Variants in FLYWCH1 observed in about 807,000 individuals in gnomAD.
FLYWCH1 encodes the protein FLYWCH-type zinc finger-containing protein 1.
In FLYWCH1, 75 loss-of-function variants were observed where a neutral mutation model predicts 66.4. The ratio of observed to expected loss-of-function variants is 1.13; its 90% CI spans 0.94 to 1.37. The LOEUF is 1.37. Among genes scored for constraint, FLYWCH1 ranks in the 40% most tolerant of loss-of-function variants. The pLI, the probability that FLYWCH1 is intolerant of heterozygous loss-of-function variation, is 0.00. For synonymous variants in FLYWCH1, 595 were observed against 429.9 expected (o/e 1.38, Z -4.75); for missense variants, 1,334 against 1,001.8 (o/e 1.33, Z -4.48).
Position 2,917,270 on chromosome 16 carries a change from C to G in FLYWCH1, c.-74+2981C>G, listed in dbSNP as rs570015172. On this transcript the variant is annotated intron_variant, in intron 2 of 9. Transcript: ENST00000253928. Reference sequence around the variant, plus strand: ...TTGAGATGGAGTTTTGCTCTTGTCACCCAGGCTGGAGTGCAATGGTGGGAT... The same window carrying G: ...TTGAGATGGAGTTTTGCTCTTGTCAGCCAGGCTGGAGTGCAATGGTGGGAT... Among the ~76,000 whole-genome samples the G allele has an allele frequency of 6.7e-5, 10 of 149,438 alleles. 1 individual carries two copies. Among genetic ancestry groups the G allele is most frequent in the African/African-American group, 2.5e-4 (10 of 40,684 alleles).
intron 2 of FLYWCH1, among the ~76,000 whole-genome samples, chr16:2,926,256 T>G (rs1281950943): frequency 6.6e-6 from 1 of 152,136 alleles, no homozygotes; most frequent in Non-Finnish European, 1.5e-5. Context: ...TCTAAAGGAT[T>G]GGGAAAAAAT....
In FLYWCH1 at chr16:2,929,734, G is replaced by C. The variant is rs757667264; in HGVS notation, c.49G>C (p.Gly17Arg). The C allele has an allele frequency of 3.7e-6, 6 of 1,613,596 alleles. No homozygotes were observed. The South Asian group carries it at 6.6e-5, about 18-fold the overall frequency. ...GCAGGAGGGCGAGAGTGTGAAGGCCGGCCAGGAGCCATCCCCCAAGCCAGG... is the reference window on the plus strand; with the variant it reads ...GCAGGAGGGCGAGAGTGTGAAGGCCCGCCAGGAGCCATCCCCCAAGCCAGG... ...SEQEGESVKAGQEPSPKPGTD... is the reference protein window; with the variant it reads ...SEQEGESVKARQEPSPKPGTD... Residue 17 changes from glycine to arginine, a missense_variant, in exon 3 of 10, where the codon GGC (glycine) becomes CGC (arginine). Gly to Arg is a moderately radical substitution (Grantham distance 125). Coordinates refer to ENST00000253928, the MANE Select transcript of FLYWCH1 (RefSeq NM_001308068.2).
Position 2,930,693 on chromosome 16 carries a change from G to C in FLYWCH1, c.609G>C (p.Gln203His). The C allele has an allele frequency of 6.5e-7, 1 of 1,543,752 alleles. No homozygotes were observed. Among genetic ancestry groups the C allele is most frequent in the South Asian group, 1.2e-5 (1 of 84,110 alleles). ...TGCCAGAGGGCTTGGGAGAGCCCCA[G>C]GGTCCTGAGGGCCCTGGAGGCCGAG... ...LALPEGLGEP[Q>H]GPEGPGGRVE... is the part of the protein sequence containing the mutation. Residue 203 changes from glutamine to histidine, a missense_variant, in exon 4 of 10, where the codon CAG (glutamine) becomes CAC (histidine). Transcript: ENST00000253928.
Position 2,930,452 on chromosome 16 carries a change from G to A in FLYWCH1, c.368G>A (p.Gly123Asp), listed in dbSNP as rs1235774870. 1.3e-6 allele frequency: 2 copies of A among 1,496,060 alleles called. No homozygotes were observed. Among genetic ancestry groups the A allele is most frequent in the African/African-American group, 1.4e-5 (1 of 70,032 alleles). 92.7% of individuals were successfully genotyped at this position (1,496,060 alleles called of 1,614,324 possible). A position where few individuals can be genotyped will look rare whatever the true frequency, so the allele number is the denominator to read the frequency against. The change falls in exon 4 of 10, where the codon GGC (glycine) becomes GAC (aspartate). Residue 123 changes from glycine (G) to aspartate (D), a missense_variant. Transcript: ENST00000253928. ...SLEFLRTPFG[G>D]RLLVLESFLY... is the part of the protein sequence containing the mutation. ...GAGTTCCTGAGGACACCATTCGGGG[G>A]CCGCCTCCTGGTGCTGGAGTCCTTC...
In FLYWCH1 at chr16:2,933,212, G is replaced by A; in HGVS notation, c.879G>A (p.Glu293=). 6.2e-7 allele frequency: 1 copy of A among 1,613,750 alleles called. No individual in the cohort carries two copies. ...ACGAGTCGTTCCTCTACAAGCGGGA[G>A]AAGGCTGTCGGGGACAAGGTGTATT... ...LVHESFLYKR[E]KAVGDKVYWT... The change falls in exon 5 of 10, where the codon GAG becomes GAA. Residue 293 remains glutamate (E), a synonymous_variant. Coordinates refer to ENST00000253928, the MANE Select transcript of FLYWCH1 (RefSeq NM_001308068.2).
chr16:2,946,390 C>A (rs1267549934), intron 9 of FLYWCH1, among the ~76,000 whole-genome samples: 1 of 133,516 alleles, frequency 7.5e-6, no homozygotes, highest in Non-Finnish European at 1.5e-5. Context: ...GGTGAGATCT[C>A]GGCTCACTGC....
At chr16:2,920,616 C>A (rs529082889) in intron 2 of FLYWCH1, among the ~76,000 whole-genome samples, 2 of 151,860 alleles carry the variant, frequency 1.3e-5, no homozygotes, top group South Asian at 4.2e-4. Context: ...GAGTTTTGCT[C>A]TTGTTGCCCA....
intron 8 of FLYWCH1, among the ~76,000 whole-genome samples, chr16:2,938,892 G>A (rs1344733309): frequency 2.7e-5 from 4 of 150,424 alleles, no homozygotes; most frequent in Admixed American, 1.3e-4. Context: ...GATTACAGGC[G>A]TGAGTCACTG....
chr16:2,943,924 G>C (rs2071373338), intron 9 of FLYWCH1, among the ~76,000 whole-genome samples: 1 of 151,946 alleles, frequency 6.6e-6, no homozygotes, highest in Non-Finnish European at 1.5e-5. Context: ...GCAACATAGT[G>C]AGATCCCGTC....
intron 9 of FLYWCH1, among the ~76,000 whole-genome samples, chr16:2,941,905 G>A (rs2151006287): frequency 7.0e-6 from 1 of 142,190 alleles, no homozygotes; most frequent in East Asian, 2.3e-4. Flanking sequence ...CCTGTAGCAG[G>A]AGAATTGCTT....
In FLYWCH1 at chr16:2,949,051, G is replaced by T; in HGVS notation, c.*324G>T. 1 of 401,286 alleles carries T rather than the reference G, an allele frequency of 2.5e-6. No individual in the cohort carries two copies. The highest frequency in any genetic ancestry group is 4.7e-6 in the Non-Finnish European group (1 of 213,786). 24.9% of individuals were successfully genotyped at this position (401,286 alleles called of 1,614,324 possible). A position where few individuals can be genotyped will look rare whatever the true frequency, so the allele number is the denominator to read the frequency against. On this transcript the variant is annotated 3_prime_UTR_variant, in exon 10 of 10. Coordinates refer to ENST00000253928, the MANE Select transcript of FLYWCH1 (RefSeq NM_001308068.2). ...TGCTGTACGGCCACAGCACCCCTGG[G>T]TTTGCAGAGCACGCAGCCTTCCTAG... is the stretch of plus-strand genomic sequence containing the variant.
intron 6 of FLYWCH1, chr16:2,934,507 T>A (rs573032494): frequency 3.2e-4 from 123 of 387,836 alleles, no homozygotes; most frequent in South Asian, 2.2e-3. Flanking sequence ...CAGTGCCTGG[T>A]GTTTTGACTT....
At chr16:2,937,481 G>C in intron 7 of FLYWCH1, 97 bp downstream of exon 7, 1 of 1,358,974 alleles carries the variant, frequency 7.4e-7, no homozygotes, top group Non-Finnish European at 9.5e-7. Flanking sequence ...TGTGTGTTGT[G>C]CATGGTGGTC....
intron 1 of FLYWCH1, among the ~76,000 whole-genome samples, 184 bp downstream of exon 1, chr16:2,912,338 A>AC (rs928558027): frequency 2.2e-4 from 15 of 68,516 alleles, no homozygotes; most frequent in East Asian, 4.5e-4. Flanking sequence ...CTCCATCCCC[A>AC]CCCCCCCGTC....
chr16:2,945,484 T>TAA (rs1567355589), intron 9 of FLYWCH1, among the ~76,000 whole-genome samples: 2 of 58,768 alleles, frequency 3.4e-5, no homozygotes, highest in South Asian at 6.5e-4. Context: ...AGACTCCATC[T>TAA]CAAAAAAAAA....
chr16:2,929,787 G>A lies in FLYWCH1; in HGVS notation c.102G>A (p.Arg34=). The change falls in exon 3 of 10, where the codon AGG becomes AGA. Residue 34 remains arginine, a synonymous_variant. Coordinates refer to ENST00000253928, the MANE Select transcript of FLYWCH1 (RefSeq NM_001308068.2). ...PGTDVIPAAP[R]KPREFSKLVL... ...CGGACGTCATCCCGGCAGCCCCCAG[G>A]AAGCCCAGGGAGTTCTCCAAACTGG... The A allele has an allele frequency of 6.2e-7, 1 of 1,613,946 alleles. No individual in the cohort carries two copies. Among genetic ancestry groups the A allele is most frequent in the Non-Finnish European group, 8.5e-7 (1 of 1,179,870 alleles).
At chr16:2,948,607 C>T in intron 9 of FLYWCH1, 81 bp from the exon 10 acceptor site, 1 of 1,447,286 alleles carries the variant, frequency 6.9e-7, no homozygotes, top group Non-Finnish European at 9.7e-7. Flanking sequence ...AAAAAGGATT[C>T]CAGGAATCCT....
chr16:2,925,291 G>A (rs2070518987), intron 2 of FLYWCH1, among the ~76,000 whole-genome samples: 1 of 152,154 alleles, frequency 6.6e-6, no homozygotes, highest in Admixed American at 6.5e-5. Context: ...TGGGCTGGGG[G>A]GACCCCGGGA....
In FLYWCH1 at chr16:2,933,296, G is replaced by A. The variant is rs778898120; in HGVS notation, c.963G>A (p.Gln321=). ...GGAGCCGGGCCATCACCCAGGGACA[G>A]CGGGTGACTGTGATGCGTGGGCACT... is the stretch of plus-strand genomic sequence containing the variant. ...GCRSRAITQG[Q]RVTVMRGHCH... Residue 321 remains glutamine (Q), a synonymous_variant, in exon 5 of 10, where the codon CAG becomes CAA. Transcript: ENST00000253928. 7 of 1,611,606 alleles carry A rather than the reference G, an allele frequency of 4.3e-6. No individual in the cohort carries two copies. Among genetic ancestry groups the A allele is most frequent in the Non-Finnish European group, 5.9e-6 (7 of 1,179,274 alleles).
Sources: allele counts gnomAD v4.1 joint callset (sites outside exome capture counted in the v4.1 genomes callset), GRCh38; gene constraint gnomAD v4.1.1; transcripts MANE v1.5; gene names NCBI Gene and HGNC (gene_info 2026-07-23, HGNC 2026-07-21).